Variants in COTL1 observed in about 807,000 individuals in gnomAD.
The protein encoded by COTL1 is coactosin like F-actin binding protein 1.
COTL1 carries 15 observed loss-of-function variants against 16.5 expected under a neutral mutation model. The observed-to-expected ratio is 0.91, with a 90% CI of 0.61 to 1.40. The LOEUF is 1.40. COTL1 is among the 40% of genes most tolerant of loss of function. COTL1 has a pLI of 0.00. For synonymous variants in COTL1, 112 were observed against 85.3 expected, an observed-to-expected ratio of 1.31 and a Z score of -1.73; for missense variants, 220 against 201.5, an observed-to-expected ratio of 1.09 and a Z score of -0.56.
chr16:84,567,121 A>G, intron 3 of COTL1, 166 bp from the exon 4 acceptor site: 3 of 596,390 alleles, frequency 5.0e-6, no homozygotes, highest in Non-Finnish European at 6.1e-6. Flanking sequence ...CAGCAGAGTC[A>G]ATGGAAATTG....
At chr16:84,573,034 G>A (rs1408378680) in intron 3 of COTL1, among the ~76,000 whole-genome samples, 6 of 152,134 alleles carry the variant, frequency 3.9e-5, no homozygotes, top group African/African-American at 7.2e-5. Flanking sequence ...AATTACAGGC[G>A]TGAGCCACTT....
intron 2 of COTL1, among the ~76,000 whole-genome samples, chr16:84,592,518 G>A (rs549767337): frequency 6.6e-6 from 1 of 151,208 alleles, no homozygotes; most frequent in South Asian, 2.1e-4. Context: ...CGCAGCTTCT[G>A]ATTAAACAGC....
intron 2 of COTL1, among the ~76,000 whole-genome samples, chr16:84,592,539 A>G (rs1904895140): frequency 6.6e-6 from 1 of 151,500 alleles, no homozygotes; most frequent in Non-Finnish European, 1.5e-5. Flanking sequence ...TCTGGGGTCT[A>G]CGCTTCTAAG....
At chr16:84,591,808 A>G (rs1009082157) in intron 2 of COTL1, among the ~76,000 whole-genome samples, 1 of 142,246 alleles carries the variant, frequency 7.0e-6, no homozygotes, top group South Asian at 2.2e-4. Context: ...TGGGTGGCCA[A>G]CTGAGACCCT....
chr16:84,572,673 G>A (rs148746596), intron 3 of COTL1, among the ~76,000 whole-genome samples: 9 of 152,192 alleles, frequency 5.9e-5, no homozygotes, highest in Admixed American at 2.0e-4. Context: ...TGTTGCCCAG[G>A]CTGGTCTCCA....
intron 3 of COTL1, among the ~76,000 whole-genome samples, chr16:84,589,048 G>T (rs1010093956): frequency 6.6e-6 from 1 of 152,050 alleles, no homozygotes; most frequent in Non-Finnish European, 1.5e-5. Flanking sequence ...ATGGCTCACT[G>T]CACCCTTGAC....
At chr16:84,609,134 T>C (rs577959346) in intron 2 of COTL1, among the ~76,000 whole-genome samples, 19 of 152,302 alleles carry the variant, frequency 1.2e-4, no homozygotes, top group Middle Eastern at 3.4e-3. Context: ...CGGGTGTGTA[T>C]GTTCAGCTAG....
chr16:84,597,564 G>T (rs1374179247), intron 2 of COTL1, among the ~76,000 whole-genome samples: 2 of 152,164 alleles, frequency 1.3e-5, no homozygotes, highest in African/African-American at 4.8e-5. Flanking sequence ...CTGAAACTGT[G>T]CTCGAATGAG....
At chr16:84,592,645 T>G (rs951530580) in intron 2 of COTL1, among the ~76,000 whole-genome samples, 1 of 150,076 alleles carries the variant, frequency 6.7e-6, no homozygotes, top group Non-Finnish European at 1.5e-5. Flanking sequence ...AGAATCTAAG[T>G]ACGTCCCTGC....
chr16:84,566,906 T>A lies in COTL1; in HGVS notation c.368A>T (p.Asp123Val). The part of the protein sequence containing the change: ...VISDRKELEE[D>V]FIKSELKKAG... Reference sequence around the variant, plus strand: ...CTTCTTCAGCTCGCTCTTGATGAAATCTTCCTCCAGCTCCTTCCGATCACT... The same window carrying A: ...CTTCTTCAGCTCGCTCTTGATGAAAACTTCCTCCAGCTCCTTCCGATCACT... The change falls in exon 4 of 4, where the codon GAT (aspartate) becomes GTT (valine). Residue 123 changes from aspartate to valine, a missense_variant. By Grantham distance (152) the Asp-to-Val change is radical. Transcript: ENST00000262428. 1.9e-6 allele frequency: 3 copies of A among 1,614,068 alleles called. No homozygotes were observed. Among genetic ancestry groups the A allele is most frequent in the Non-Finnish European group, 2.5e-6 (3 of 1,179,984 alleles).
chr16:84,567,162 GA>G (rs1369828919), intron 3 of COTL1: 1 of 525,456 alleles, frequency 1.9e-6, no homozygotes. Flanking sequence ...GAAAAAACCT[GA>G]CTGGGAGGAG....
intron 2 of COTL1, among the ~76,000 whole-genome samples, chr16:84,603,079 A>G (rs973044695): frequency 2.6e-5 from 4 of 151,982 alleles, no homozygotes; most frequent in African/African-American, 9.7e-5. Flanking sequence ...CCATGTAACA[A>G]TGGCCCAGCG....
intron 2 of COTL1, among the ~76,000 whole-genome samples, chr16:84,604,530 G>A (rs964877320): frequency 9.2e-5 from 14 of 152,104 alleles, no homozygotes; most frequent in African/African-American, 2.7e-4. Context: ...CTCCCAGCAC[G>A]AGTGCCCAGC....
chr16:84,594,053 C>T (rs1410473932), intron 2 of COTL1, among the ~76,000 whole-genome samples: 1 of 152,172 alleles, frequency 6.6e-6, no homozygotes. Flanking sequence ...CTGGCTTTCA[C>T]TCAGCGTCAC....
chr16:84,615,672 G>T (rs1165214529), intron 2 of COTL1, among the ~76,000 whole-genome samples: 1 of 152,190 alleles, frequency 6.6e-6, no homozygotes, highest in Non-Finnish European at 1.5e-5. Flanking sequence ...TTAAGAGTTT[G>T]CACTTACTCC....
At position 84,591,086 on chromosome 16, in the gene COTL1, T is replaced by C. The variant is rs529257978; in HGVS notation, c.161-824A>G. ...TTTTATTTCAATGCCACACTGTTTT[T>C]ATTATCATGACTTTAAAATTTGTTT... On this transcript the variant is annotated intron_variant, in intron 2 of 3. Coordinates refer to ENST00000262428, the MANE Select transcript of COTL1 (RefSeq NM_021149.5). Among the ~76,000 whole-genome samples, 283 of 152,336 alleles carry C rather than the reference T, an allele frequency of 1.9e-3. 1 individual carries two copies. Among genetic ancestry groups the C allele is most frequent in the Middle Eastern group, 3.4e-3 (1 of 294 alleles).
At position 84,617,861 on chromosome 16, in the gene COTL1, G is replaced by C. The variant is rs1323059621; in HGVS notation, c.54C>G (p.Arg18=). The C allele has an allele frequency of 4.4e-6, 7 of 1,576,116 alleles. No homozygotes were observed. In the Admixed American group the frequency reaches 7.5e-5, roughly 17 times the overall value. The change falls in exon 1 of 4, where the codon CGC becomes CGG. Residue 18 remains arginine, a synonymous_variant. Transcript: ENST00000262428. ...EACRAAYNLV[R]DDGSAVIWVT... is the part of the protein sequence containing the mutation. ...ACCAGATGACGGCCGAGCCGTCGTCGCGCACCAGGTTGTACGCCGCCCGGC... is the reference window on the plus strand; with the variant it reads ...ACCAGATGACGGCCGAGCCGTCGTCCCGCACCAGGTTGTACGCCGCCCGGC...
At chr16:84,578,306 C>T (rs1488444926) in intron 3 of COTL1, among the ~76,000 whole-genome samples, 3 of 152,218 alleles carry the variant, frequency 2.0e-5, no homozygotes, top group African/African-American at 4.8e-5. Context: ...AAAATAACAA[C>T]ATACATACTC....
At chr16:84,611,558 C>T (rs1285329970) in intron 2 of COTL1, among the ~76,000 whole-genome samples, 3 of 152,178 alleles carry the variant, frequency 2.0e-5, no homozygotes, top group African/African-American at 7.2e-5. Context: ...ATGTCAGCTC[C>T]ACGAGGACAG....
Sources: allele counts gnomAD v4.1 joint callset (sites outside exome capture counted in the v4.1 genomes callset), GRCh38; gene constraint gnomAD v4.1.1; transcripts MANE v1.5; gene names NCBI Gene and HGNC (gene_info 2026-07-23, HGNC 2026-07-21).